FAM220A: variants seen among roughly 807,000 people sequenced by gnomAD.
The protein encoded by FAM220A is family with sequence similarity 220 member A.
For missense variants in FAM220A, 392 were observed against 321.6 expected (o/e 1.22, Z -1.68); for synonymous variants, 141 against 130.7 (o/e 1.08, Z -0.54).
Position 6,348,737 on chromosome 7 carries a change from G to A in FAM220A, c.-246C>T, listed in dbSNP as rs1032932764. On this transcript the variant is annotated 5_prime_UTR_variant, in exon 1 of 2. Coordinates refer to ENST00000313324, the MANE Select transcript of FAM220A (RefSeq NM_001037163.2). ...GCCGAGCGCGAGAGCCGGACAGCCA[G>A]GCCCGACAGAGCCGCCGCCATATAG... is the stretch of plus-strand genomic sequence containing the variant. The A allele has an allele frequency of 4.8e-6, 2 of 412,558 alleles. No individual in the cohort carries two copies. Among genetic ancestry groups the A allele is most frequent in the Non-Finnish European group, 8.6e-6 (2 of 233,194 alleles). 25.6% of individuals were successfully genotyped at this position (412,558 alleles called of 1,614,324 possible). A position where few individuals can be genotyped will look rare whatever the true frequency, so the allele number is the denominator to read the frequency against.
rs577930788 is a variant in FAM220A at position 6,331,163 on chromosome 7, T to C, written c.-9A>G. 6.2e-7 allele frequency: 1 copy of C among 1,606,618 alleles called. No individual in the cohort carries two copies. The highest frequency in any genetic ancestry group is 2.2e-5 in the East Asian group (1 of 44,812). On this transcript the variant is annotated 5_prime_UTR_variant, in exon 2 of 2. Coordinates refer to ENST00000313324, the MANE Select transcript of FAM220A (RefSeq NM_001037163.2). ...CCTCTTCTGTCCCTCATGCTTCGTG[T>C]TCTTGGATGCGGTGGGCCTGAGGTC...
rs183649179 is a variant in FAM220A, at chr7:6,346,582, T to C, written c.-82+1991A>G. 5.9e-5 allele frequency among the ~76,000 whole-genome samples: 9 copies of C among 152,298 alleles called. No individual in the cohort carries two copies. The East Asian group carries it at 7.7e-4, about 13-fold the overall frequency. ...TTTTAGTAGAGACAGGGTTTCACCC[T>C]GTAGCCCAGGGTGGTCTCAAACTCC... is the stretch of plus-strand genomic sequence containing the variant. On this transcript the variant is annotated intron_variant, in intron 1 of 1. Transcript: ENST00000313324.
At chr7:6,336,880 C>G (rs142336772) in intron 1 of FAM220A, among the ~76,000 whole-genome samples, 9 of 152,148 alleles carry the variant, frequency 5.9e-5, no homozygotes, top group Non-Finnish European at 7.4e-5. Flanking sequence ...TCTTGAACTC[C>G]TGGGCTCAAG....
intron 1 of FAM220A, among the ~76,000 whole-genome samples, chr7:6,339,200 G>A (rs1222548944): frequency 6.6e-6 from 1 of 152,158 alleles, no homozygotes; most frequent in Non-Finnish European, 1.5e-5. Flanking sequence ...AGGTGTGGTG[G>A]CTCACACCTG....
At chr7:6,336,172 C>CA (rs113753233) in intron 1 of FAM220A, among the ~76,000 whole-genome samples, 49,806 of 131,678 alleles carry the variant, frequency 0.38, 11,046 homozygotes, top group African/African-American at 0.65. Flanking sequence ...GATTTTGCCT[C>CA]AAAAAAAAAA....
Position 6,330,975 on chromosome 7 carries a change from T to C in FAM220A, c.180A>G (p.Ala60=), listed in dbSNP as rs140182574. ...GATCCTTTCTCATTTCCAGTGATAA[T>C]GCCTCACTTTGTGAATTTCCATCAA... ...PVVDGNSQSE[A]LSLEMRKDPS... Residue 60 remains alanine (A), a synonymous_variant, in exon 2 of 2, where the codon GCA becomes GCG. Transcript: ENST00000313324. The C allele has an allele frequency of 6.2e-6, 10 of 1,614,108 alleles. No individual in the cohort carries two copies. In the African/African-American group the frequency reaches 8.0e-5, roughly 13 times the overall value.
intron 1 of FAM220A, among the ~76,000 whole-genome samples, chr7:6,339,983 C>G (rs1269109351): frequency 6.6e-6 from 1 of 152,124 alleles, no homozygotes. Context: ...CTCCTGGGTT[C>G]AAGCACTTCT....
At chr7:6,338,479 A>G (rs116736574) in intron 1 of FAM220A, among the ~76,000 whole-genome samples, 68 of 152,298 alleles carry the variant, frequency 4.5e-4, no homozygotes, top group African/African-American at 1.6e-3. Flanking sequence ...CAGGAAAAAT[A>G]AAGTGTAGCC....
intron 1 of FAM220A, chr7:6,341,818 T>G (rs1781863353): frequency 6.6e-6 from 1 of 151,734 alleles, no homozygotes; most frequent in Non-Finnish European, 1.5e-5. Context: ...GCCATCACGG[T>G]GAAACTCTGT....
At chr7:6,331,816 C>A (rs1253316354) in intron 1 of FAM220A, among the ~76,000 whole-genome samples, 1 of 150,290 alleles carries the variant, frequency 6.7e-6, no homozygotes, top group East Asian at 2.0e-4. Flanking sequence ...TCTCGGCTCA[C>A]TGCAACCACT....
At position 6,330,569 on chromosome 7, in the gene FAM220A, G is replaced by A; in HGVS notation, c.586C>T (p.Leu196=). The A allele has an allele frequency of 6.2e-7, 1 of 1,614,172 alleles. No individual in the cohort carries two copies. The highest frequency in any genetic ancestry group is 8.5e-7 in the Non-Finnish European group (1 of 1,180,028). ...ACLHSILSAT[L]HVYPEVLLSE... ...AGGAGCACTTCGGGATACACGTGCA[G>A]CGTTGCAGACAGGATGGAGTGCAGG... The change falls in exon 2 of 2, where the codon CTG becomes TTG. Residue 196 remains leucine, a synonymous_variant. Coordinates refer to ENST00000313324, the MANE Select transcript of FAM220A (RefSeq NM_001037163.2).
intron 1 of FAM220A, 77 bp from the exon 2 acceptor site, chr7:6,331,312 T>G: frequency 1.4e-6 from 1 of 694,532 alleles, no homozygotes. Flanking sequence ...ACCAAATATT[T>G]CCTAACAAAC....
At chr7:6,346,960 A>G (rs1326379372) in intron 1 of FAM220A, among the ~76,000 whole-genome samples, 1 of 152,154 alleles carries the variant, frequency 6.6e-6, no homozygotes, top group Non-Finnish European at 1.5e-5. Flanking sequence ...ATGGAATGCA[A>G]GAGGGGCTCA....
chr7:6,331,136 G>T lies in FAM220A; in HGVS notation c.19C>A (p.Pro7Thr). 6.2e-7 allele frequency: 1 copy of T among 1,612,824 alleles called. No individual in the cohort carries two copies. The highest frequency in any genetic ancestry group is 8.5e-7 in the Non-Finnish European group (1 of 1,179,770). Reference sequence around the variant, plus strand: ...ACTTGTGCCAGGCAGGTGCCGAGGGGCCCTCTTCTGTCCCTCATGCTTCGT... The same window carrying T: ...ACTTGTGCCAGGCAGGTGCCGAGGGTCCCTCTTCTGTCCCTCATGCTTCGT... MRDRRG[P>T]LGTCLAQVQQ... The change falls in exon 2 of 2, where the codon CCC becomes ACC. Residue 7 changes from proline to threonine, a missense_variant. By Grantham distance (38) the Pro-to-Thr change is conservative. Transcript: ENST00000313324.
intron 1 of FAM220A, among the ~76,000 whole-genome samples, chr7:6,342,583 T>C (rs946797319): frequency 5.3e-5 from 8 of 152,164 alleles, no homozygotes; most frequent in African/African-American, 4.8e-5. Flanking sequence ...GAGTTACATA[T>C]GATCCAGCAA....
In FAM220A at chr7:6,340,999, C is replaced by T. The variant is rs1781842868; in HGVS notation, c.-82+7574G>A. Among the ~76,000 whole-genome samples the T allele has an allele frequency of 2.8e-5, 4 of 141,746 alleles. No individual in the cohort carries two copies. In the South Asian group the frequency reaches 8.8e-4, roughly 31 times the overall value. 93.0% of individuals were successfully genotyped at this position (141,746 alleles called of 152,430 possible). A position where few individuals can be genotyped will look rare whatever the true frequency, so the allele number is the denominator to read the frequency against. ...AAAAAAAAAAAATTCAAAAAATTAG[C>T]CAGGTGTGGTGGTGGGAACCTACAG... On this transcript the variant is annotated intron_variant, in intron 1 of 1. Transcript: ENST00000313324.
chr7:6,334,831 C>T (rs373522880), intron 1 of FAM220A, among the ~76,000 whole-genome samples: 13 of 151,090 alleles, frequency 8.6e-5, no homozygotes, highest in African/African-American at 1.5e-4. Context: ...TACAATGGCA[C>T]GATCTCGACT....
At chr7:6,337,114 C>T (rs1781763600) in intron 1 of FAM220A, among the ~76,000 whole-genome samples, 1 of 150,860 alleles carries the variant, frequency 6.6e-6, no homozygotes, top group African/African-American at 2.4e-5. Flanking sequence ...CTGTCTCGCC[C>T]AGGCTGGAGT....
rs541214041 is a variant in FAM220A, at chr7:6,330,749, T to C, written c.406A>G (p.Arg136Gly). Residue 136 changes from arginine to glycine, a missense_variant, in exon 2 of 2, where the codon AGG becomes GGG. Transcript: ENST00000313324. ...GRRDWLGGGPRATDGHRGQCP... is the reference protein window; with the variant it reads ...GRRDWLGGGPGATDGHRGQCP... ...TGTCCTCTGTGGCCGTCAGTGGCCCTGGGCCCTCCTCCCAGCCAGTCTCGC... is the reference window on the plus strand; with the variant it reads ...TGTCCTCTGTGGCCGTCAGTGGCCCCGGGCCCTCCTCCCAGCCAGTCTCGC... 1.2e-6 allele frequency: 2 copies of C among 1,614,140 alleles called. No individual in the cohort carries two copies.
Sources: gnomAD v4.1 joint callset for allele counts (sites outside exome capture counted in the v4.1 genomes callset) on GRCh38, gnomAD v4.1.1 for gene constraint, MANE v1.5 for transcripts, NCBI Gene and HGNC (gene_info 2026-07-23, HGNC 2026-07-21) for gene names.